Variants in PRRX2 observed in about 807,000 individuals in gnomAD.
The protein encoded by PRRX2 is paired related homeobox 2.
PRRX2 carries 11 observed loss-of-function variants against 18.0 expected under a neutral mutation model. The ratio of observed to expected loss-of-function variants is 0.61; its 90% CI spans 0.39 to 1.01. PRRX2 has a LOEUF of 1.01. Among genes scored for constraint, PRRX2 ranks in the 50% least tolerant of loss-of-function variants. The pLI is 0.01. For missense variants in PRRX2, 387 were observed against 351.0 expected (o/e 1.10, Z -0.82); for synonymous variants, 177 against 154.8 (o/e 1.14, Z -1.06).
intron 1 of PRRX2, among the ~76,000 whole-genome samples, chr9:129,678,207 G>T (rs113620474): frequency 6.6e-6 from 1 of 151,988 alleles, no homozygotes; most frequent in Non-Finnish European, 1.5e-5. Flanking sequence ...CAGGTGATCC[G>T]CCTGCCTCGA....
In PRRX2 at chr9:129,675,239, C is replaced by T. The variant is rs751216130; in HGVS notation, c.259+9113C>T. Among the ~76,000 whole-genome samples, 1 of 152,186 alleles carries T rather than the reference C, an allele frequency of 6.6e-6. No homozygotes were observed. The highest frequency in any genetic ancestry group is 1.9e-4 in the East Asian group (1 of 5,192). ...GGATTTTGTGCCAAAGCTGCACTGC[C>T]GGGTCTAGGAGGAAGTATTTGCTCT... On this transcript the variant is annotated intron_variant, in intron 1 of 3. Transcript: ENST00000372469. This position sits in a 1 kb window ranked among gnomAD's most constrained non-coding sequence, Gnocchi z 4.4.
At chr9:129,673,137 A>G (rs1053602906) in intron 1 of PRRX2, among the ~76,000 whole-genome samples, 2 of 152,162 alleles carry the variant, frequency 1.3e-5, no homozygotes, top group Non-Finnish European at 2.9e-5. Flanking sequence ...ACCTTTTAGT[A>G]TCTTCATCTC....
intron 1 of PRRX2, among the ~76,000 whole-genome samples, chr9:129,697,537 C>G (rs1382131441): frequency 6.6e-6 from 1 of 151,284 alleles, no homozygotes; most frequent in Non-Finnish European, 1.5e-5. Flanking sequence ...GCGGCGCGCT[C>G]GCACGCACTG....
chr9:129,665,815 C>G lies in PRRX2; in HGVS notation c.-53C>G. On this transcript the variant is annotated 5_prime_UTR_variant, in exon 1 of 4. Coordinates refer to ENST00000372469, the MANE Select transcript of PRRX2 (RefSeq NM_016307.4). This position sits in a 1 kb window ranked among gnomAD's most constrained non-coding sequence, Gnocchi z 5.3. The stretch of plus-strand genomic sequence containing the variant: ...GCTCCGACCCGCGCCCGCGACCCTT[C>G]CTGGGACCCGAGCCCGAGACCCCCG... 9.8e-7 allele frequency: 1 copy of G among 1,020,852 alleles called. No individual in the cohort carries two copies. The highest frequency in any genetic ancestry group is 1.2e-6 in the Non-Finnish European group (1 of 854,454). The allele number at this position is 1,020,852 out of a possible 1,614,324, so 63.2% of individuals were successfully genotyped here. A position where few individuals can be genotyped will look rare whatever the true frequency, so the allele number is the denominator to read the frequency against.
At chr9:129,666,938 C>T (rs1197694065) in intron 1 of PRRX2, among the ~76,000 whole-genome samples, 1 of 152,186 alleles carries the variant, frequency 6.6e-6, no homozygotes, top group Non-Finnish European at 1.5e-5. Flanking sequence ...GCTCTGGGCC[C>T]CTGAAGTGTG....
chr9:129,700,886 T>C (rs910212169), intron 1 of PRRX2, among the ~76,000 whole-genome samples: 1 of 152,238 alleles, frequency 6.6e-6, no homozygotes, highest in African/African-American at 2.4e-5. Context: ...CCCAAAGTGC[T>C]GGGATTACAG....
chr9:129,700,327 T>A (rs1352321964), intron 1 of PRRX2, among the ~76,000 whole-genome samples: 1 of 147,600 alleles, frequency 6.8e-6, no homozygotes, highest in Non-Finnish European at 1.5e-5. Context: ...TTTTTTGGTT[T>A]GTTGTTGTTG....
intron 1 of PRRX2, among the ~76,000 whole-genome samples, chr9:129,692,432 T>C (rs1052367299): frequency 2.8e-5 from 4 of 145,004 alleles, no homozygotes; most frequent in Admixed American, 1.4e-4. Context: ...ATAGTGTACA[T>C]TGGGGTTCCC....
chr9:129,670,499 C>T (rs1167446139), intron 1 of PRRX2, among the ~76,000 whole-genome samples: 1 of 152,056 alleles, frequency 6.6e-6, no homozygotes, highest in Non-Finnish European at 1.5e-5. Flanking sequence ...CTCAGCCTCC[C>T]GAGTAGCTAG....
chr9:129,720,030 A>T (rs951251277), intron 2 of PRRX2, among the ~76,000 whole-genome samples: 1 of 152,162 alleles, frequency 6.6e-6, no homozygotes, highest in Non-Finnish European at 1.5e-5. Context: ...AAATTTTCGT[A>T]AAGCGCTTAG....
intron 1 of PRRX2, among the ~76,000 whole-genome samples, chr9:129,682,217 G>A (rs1832241478): frequency 6.6e-6 from 1 of 152,164 alleles, no homozygotes; most frequent in African/African-American, 2.4e-5. Context: ...TGGTCTGTGA[G>A]GTGGGGACGG....
intron 1 of PRRX2, 151 bp from the exon 2 acceptor site, chr9:129,719,080 G>A (rs1157315984): frequency 6.8e-6 from 5 of 730,674 alleles, no homozygotes; most frequent in East Asian, 5.9e-5. Context: ...ATGGGTGGAT[G>A]CCAGAAGGAA....
chr9:129,708,211 T>C (rs1467274385), intron 1 of PRRX2, among the ~76,000 whole-genome samples: 1 of 152,188 alleles, frequency 6.6e-6, no homozygotes, highest in Non-Finnish European at 1.5e-5. Context: ...AATTTTTGTA[T>C]TTTCAATAGA....
intron 1 of PRRX2, among the ~76,000 whole-genome samples, chr9:129,681,973 T>C (rs552160955): frequency 2.6e-5 from 4 of 152,294 alleles, no homozygotes; most frequent in African/African-American, 7.2e-5. Context: ...GGGCTGCCTG[T>C]GGCGCCGAGA....
intron 1 of PRRX2, among the ~76,000 whole-genome samples, chr9:129,704,498 A>G (rs546793937): frequency 2.0e-5 from 3 of 152,174 alleles, no homozygotes; most frequent in East Asian, 1.9e-4. Flanking sequence ...CCCTAACCCA[A>G]TTGCTGGGTT....
rs1211052965 is a variant in PRRX2, at chr9:129,722,310, G to A, written c.720G>A (p.Lys240=). 2 of 1,613,968 alleles carry A rather than the reference G, an allele frequency of 1.2e-6. No individual in the cohort carries two copies. Among genetic ancestry groups the A allele is most frequent in the Non-Finnish European group, 1.7e-6 (2 of 1,180,026 alleles). Residue 240 remains lysine, a synonymous_variant, in exon 4 of 4, where the codon AAG becomes AAA. Coordinates refer to ENST00000372469, the MANE Select transcript of PRRX2 (RefSeq NM_016307.4). ...NSIASLRLKA[K]EFSLHHSQVP... is the part of the protein sequence containing the mutation. ...TCGCCAGCCTCCGTCTCAAGGCCAA[G>A]GAGTTCAGCCTGCACCACAGCCAGG...
At chr9:129,716,011 G>A (rs1832702337) in intron 1 of PRRX2, among the ~76,000 whole-genome samples, 1 of 152,148 alleles carries the variant, frequency 6.6e-6, no homozygotes, top group East Asian at 1.9e-4. Context: ...ATGTAACTGG[G>A]GAAACAAAAA....
chr9:129,700,128 A>G (rs928726097), intron 1 of PRRX2, among the ~76,000 whole-genome samples: 10 of 152,082 alleles, frequency 6.6e-5, no homozygotes, highest in Admixed American at 3.3e-4. Flanking sequence ...AACCTTATAT[A>G]TATATTCTTT....
intron 1 of PRRX2, among the ~76,000 whole-genome samples, chr9:129,711,207 G>A (rs758967252): frequency 2.6e-5 from 4 of 152,008 alleles, no homozygotes; most frequent in Non-Finnish European, 4.4e-5. Flanking sequence ...CTAAGACCCC[G>A]GACTGTGTGC....
Sources: allele counts gnomAD v4.1 joint callset (sites outside exome capture counted in the v4.1 genomes callset), GRCh38; gene constraint gnomAD v4.1.1; non-coding constraint Gnocchi (gnomAD v3.1); transcripts MANE v1.5; gene names NCBI Gene and HGNC (gene_info 2026-07-23, HGNC 2026-07-21).